AGBL1: variants seen among roughly 807,000 people sequenced by gnomAD.
The protein encoded by AGBL1 is cytosolic carboxypeptidase 4.
In AGBL1, 130 loss-of-function variants were observed where a neutral mutation model predicts 118.9. That is an observed-to-expected ratio of 1.09 (90% confidence interval 0.95 to 1.26). AGBL1 has a LOEUF of 1.26. Among genes scored for constraint, AGBL1 ranks in the 50% most tolerant of loss-of-function variants. AGBL1 has a pLI of 0.00. For missense variants in AGBL1, 1,584 were observed against 1,298.1 expected (o/e 1.22, Z -3.38); for synonymous variants, 555 against 478.9 (o/e 1.16, Z -2.08).
chr15:86,384,571 T>C (rs892951959), intron 17 of AGBL1, among the ~76,000 whole-genome samples: 3 of 69,792 alleles, frequency 4.3e-5, no homozygotes, highest in Non-Finnish European at 8.3e-5. Context: ...CCCAGCATAT[T>C]ATAATATAAC....
intron 19 of AGBL1, among the ~76,000 whole-genome samples, chr15:86,539,053 A>G (rs577040435): frequency 5.3e-5 from 8 of 150,714 alleles, no homozygotes; most frequent in African/African-American, 2.0e-4. Flanking sequence ...ACAAGAATGC[A>G]TTGGAAAAGG....
intron 23 of AGBL1, among the ~76,000 whole-genome samples, chr15:86,972,255 C>G (rs1362648185): frequency 2.0e-5 from 3 of 151,942 alleles, no homozygotes; most frequent in Non-Finnish European, 4.4e-5. Context: ...GATTATTGAT[C>G]TGAGGAGAGA....
chr15:86,338,886 T>C (rs2080416629), intron 17 of AGBL1, among the ~76,000 whole-genome samples: 1 of 152,176 alleles, frequency 6.6e-6, no homozygotes, highest in South Asian at 2.1e-4. Context: ...CACCATTATA[T>C]GTCATGTTAA....
chr15:86,336,217 G>A (rs1056987828), intron 17 of AGBL1, among the ~76,000 whole-genome samples: 2 of 152,170 alleles, frequency 1.3e-5, no homozygotes, highest in African/African-American at 2.4e-5. Context: ...GTGCCCATTC[G>A]ATGTCTCAAA....
At chr15:86,632,799 A>G (rs201858539) in intron 21 of AGBL1, among the ~76,000 whole-genome samples, 1 of 17,256 alleles carries the variant, frequency 5.8e-5, no homozygotes, top group Admixed American at 5.3e-4. Context: ...CTGCCAGCGT[A>G]GTTTTGTTTT....
At chr15:86,290,313 G>T (rs2079523185) in intron 16 of AGBL1, among the ~76,000 whole-genome samples, 1 of 149,646 alleles carries the variant, frequency 6.7e-6, no homozygotes, top group Non-Finnish European at 1.5e-5. Context: ...GGGGGCAGCT[G>T]AAGTGTGTCT....
chr15:86,257,154 A>G lies in AGBL1; in HGVS notation c.901+136A>G, dbSNP rs994661181. On this transcript the variant is annotated intron_variant, in intron 8 of 22. Transcript: ENST00000614907. ...TGTCTATTAAGCTAATTAGAGACAT[A>G]TATGAAAAAGCAGTTTTGATTTTCA... 6.4e-5 allele frequency: 65 copies of G among 1,018,566 alleles called. 2 individuals carry two copies. The Middle Eastern group carries it at 3.9e-3, about 61-fold the overall frequency. The allele number at this position is 1,018,566 out of a possible 1,614,324, so 63.1% of individuals were successfully genotyped here. A position where few individuals can be genotyped will look rare whatever the true frequency, so the allele number is the denominator to read the frequency against.
intron 17 of AGBL1, among the ~76,000 whole-genome samples, chr15:86,355,031 G>A (rs535712973): frequency 6.6e-6 from 1 of 152,302 alleles, no homozygotes; most frequent in South Asian, 2.1e-4. Context: ...CAGCTCTACA[G>A]CAAAAAGAAA....
At chr15:86,116,122 G>A (rs1037055390) in intron 1 of AGBL1, among the ~76,000 whole-genome samples, 5 of 152,158 alleles carry the variant, frequency 3.3e-5, no homozygotes, top group African/African-American at 1.2e-4. Context: ...TATGTTATTT[G>A]CATTTGTTCT....
At chr15:86,310,855 C>T (rs1020114426) in intron 17 of AGBL1, among the ~76,000 whole-genome samples, 8 of 152,086 alleles carry the variant, frequency 5.3e-5, no homozygotes, top group African/African-American at 1.4e-4. Context: ...TAAATTCAAA[C>T]GTATGTGAGG....
chr15:86,276,434 T>C (rs964682969), intron 15 of AGBL1, among the ~76,000 whole-genome samples: 1 of 152,216 alleles, frequency 6.6e-6, no homozygotes, highest in African/African-American at 2.4e-5. Context: ...GTAATAATAC[T>C]CACCTTGAAA....
intron 18 of AGBL1, among the ~76,000 whole-genome samples, chr15:86,487,229 T>A (rs1020657051): frequency 1.3e-5 from 2 of 151,952 alleles, no homozygotes; most frequent in Non-Finnish European, 2.9e-5. Context: ...GCAGCGTTCA[T>A]CCAGAAACAA....
intron 21 of AGBL1, among the ~76,000 whole-genome samples, chr15:86,561,149 C>A (rs928850191): frequency 1.3e-5 from 2 of 152,156 alleles, no homozygotes; most frequent in Non-Finnish European, 2.9e-5. Context: ...AATTAGATCC[C>A]ATTTGTCAAT....
intron 22 of AGBL1, among the ~76,000 whole-genome samples, chr15:86,834,754 C>A (rs1454020699): frequency 1.3e-5 from 2 of 152,116 alleles, no homozygotes; most frequent in East Asian, 3.9e-4. Flanking sequence ...CTTGTCCATG[C>A]CAGGCCACTG....
chr15:86,863,233 T>C lies in AGBL1; in HGVS notation c.3159-43854T>C, dbSNP rs756133888. On this transcript the variant is annotated intron_variant, in intron 22 of 22. Coordinates refer to ENST00000614907, the MANE Select transcript of AGBL1 (RefSeq NM_001386094.1). Reference sequence around the variant, plus strand: ...AGAGACTCCGGATAAATGATTCCTATAAATAAGAATTGCTCATAGATATTT... The same window carrying C: ...AGAGACTCCGGATAAATGATTCCTACAAATAAGAATTGCTCATAGATATTT... Among the ~76,000 whole-genome samples the C allele has an allele frequency of 4.1e-4, 63 of 152,326 alleles. No individual in the cohort carries two copies. In the Middle Eastern group the frequency reaches 0.017, roughly 41 times the overall value.
intron 13 of AGBL1, among the ~76,000 whole-genome samples, chr15:86,268,142 T>A (rs1373898816): frequency 6.6e-6 from 1 of 152,196 alleles, no homozygotes; most frequent in Non-Finnish European, 1.5e-5. Context: ...GAATTCAGTA[T>A]AGCTGAGACC....
At chr15:86,095,563 A>T (rs1010972490) in intron 1 of AGBL1, among the ~76,000 whole-genome samples, 1 of 151,332 alleles carries the variant, frequency 6.6e-6, no homozygotes, top group African/African-American at 2.4e-5. Context: ...AGGAAGTTAG[A>T]AGGATTTTTC....
chr15:86,135,931 G>C (rs746622576), intron 1 of AGBL1, among the ~76,000 whole-genome samples: 4 of 152,182 alleles, frequency 2.6e-5, no homozygotes, highest in African/African-American at 9.7e-5. Flanking sequence ...TGATCTGGGG[G>C]AAGCCAGCTG....
chr15:86,329,083 C>T (rs1275603484), intron 17 of AGBL1, among the ~76,000 whole-genome samples: 2 of 152,110 alleles, frequency 1.3e-5, no homozygotes, highest in Non-Finnish European at 2.9e-5. Flanking sequence ...AGAGCTGCTA[C>T]AGCTGTGGTT....
Sources: allele counts gnomAD v4.1 joint callset (sites outside exome capture counted in the v4.1 genomes callset), GRCh38; gene constraint gnomAD v4.1.1; transcripts MANE v1.5; gene names NCBI Gene and HGNC (gene_info 2026-07-23, HGNC 2026-07-21).